CAP2: variants seen among roughly 807,000 people sequenced by gnomAD.
CAP2 encodes the protein adenylyl cyclase-associated protein 2.
A neutral mutation model predicts 57.7 loss-of-function variants in CAP2; 24 were observed. The ratio of observed to expected loss-of-function variants is 0.42; its 90% CI spans 0.30 to 0.58. The LOEUF (loss-of-function observed/expected upper bound fraction) is 0.58. Among genes scored for constraint, CAP2 ranks in the 20% least tolerant of loss-of-function variants. The pLI, the probability that CAP2 is intolerant of heterozygous loss-of-function variation, is 0.22. For missense variants in CAP2, 501 were observed against 590.3 expected (o/e 0.85, Z 1.57); for synonymous variants, 194 against 207.2 (o/e 0.94, Z 0.55).
At chr6:17,445,810 C>T (rs1760241705) in intron 3 of CAP2, among the ~76,000 whole-genome samples, 1 of 152,194 alleles carries the variant, frequency 6.6e-6, no homozygotes, top group Non-Finnish European at 1.5e-5. Flanking sequence ...TAGACATTTC[C>T]CATAGACCAT....
chr6:17,522,755 T>C (rs7760870), intron 7 of CAP2, among the ~76,000 whole-genome samples: 53,890 of 152,114 alleles, frequency 0.35, 10,636 homozygotes, highest in African/African-American at 0.54. Context: ...AAGGTGGGGC[T>C]ATGTAGTGTT....
chr6:17,480,182 A>G (rs561428054), intron 4 of CAP2, among the ~76,000 whole-genome samples: 2 of 152,182 alleles, frequency 1.3e-5, no homozygotes, highest in Non-Finnish European at 2.9e-5. Context: ...GTTCCAGACT[A>G]CAGAGGATGA....
chr6:17,444,848 C>CAACAT (rs1409092082), intron 3 of CAP2, among the ~76,000 whole-genome samples: 1 of 105,094 alleles, frequency 9.5e-6, no homozygotes, highest in Non-Finnish European at 2.2e-5. Context: ...ACACACAACA[C>CAACAT]GAGTCCTGAT....
chr6:17,404,327 T>C (rs557642182), intron 1 of CAP2, among the ~76,000 whole-genome samples: 3 of 152,058 alleles, frequency 2.0e-5, no homozygotes, highest in Admixed American at 6.5e-5. Context: ...AAAAAATGGC[T>C]GGGTGCGGTG....
At chr6:17,518,522 T>C (rs1762320602) in intron 7 of CAP2, among the ~76,000 whole-genome samples, 1 of 152,174 alleles carries the variant, frequency 6.6e-6, no homozygotes, top group South Asian at 2.1e-4. Context: ...TGCCCACTGA[T>C]CACAACTCTG....
At chr6:17,517,639 G>A (rs546812375) in intron 7 of CAP2, among the ~76,000 whole-genome samples, 3 of 152,096 alleles carry the variant, frequency 2.0e-5, no homozygotes, top group Non-Finnish European at 4.4e-5. Flanking sequence ...GGTGGCTCAC[G>A]CCTGTAATCC....
At chr6:17,419,308 A>G (rs1363390075) in intron 1 of CAP2, among the ~76,000 whole-genome samples, 1 of 152,246 alleles carries the variant, frequency 6.6e-6, no homozygotes, top group East Asian at 1.9e-4. Flanking sequence ...CCCCTGCTTT[A>G]GGACAGCAGT....
intron 2 of CAP2, among the ~76,000 whole-genome samples, chr6:17,423,321 G>T (rs951504372): frequency 1.3e-5 from 2 of 152,178 alleles, no homozygotes; most frequent in East Asian, 1.9e-4. Flanking sequence ...TTGAAAGGGG[G>T]TGTTGTTTTA....
chr6:17,454,950 G>A (rs1760517540), intron 3 of CAP2, among the ~76,000 whole-genome samples: 1 of 152,126 alleles, frequency 6.6e-6, no homozygotes, highest in Non-Finnish European at 1.5e-5. Flanking sequence ...AGGATTGAAC[G>A]AAATGAGCCC....
At chr6:17,410,104 T>C (rs573369009) in intron 1 of CAP2, among the ~76,000 whole-genome samples, 1 of 152,374 alleles carries the variant, frequency 6.6e-6, no homozygotes, top group South Asian at 2.1e-4. Context: ...TTCTTCTGAA[T>C]ACCATACTCT....
chr6:17,496,041 A>AG, intron 4 of CAP2, among the ~76,000 whole-genome samples: 1 of 104,428 alleles, frequency 9.6e-6, no homozygotes, highest in African/African-American at 3.4e-5. Flanking sequence ...GGGGGGGGGT[A>AG]AGTCAGGGAA....
At chr6:17,469,881 A>G (rs1334665364) in intron 4 of CAP2, among the ~76,000 whole-genome samples, 1 of 152,226 alleles carries the variant, frequency 6.6e-6, no homozygotes, top group Non-Finnish European at 1.5e-5. Context: ...TGGAGCAGTC[A>G]TCAAATTTGT....
intron 1 of CAP2, among the ~76,000 whole-genome samples, chr6:17,403,428 C>G (rs1457131987): frequency 6.6e-6 from 1 of 152,204 alleles, no homozygotes; most frequent in Non-Finnish European, 1.5e-5. Flanking sequence ...AATAAGTATA[C>G]ACATCCACAT....
intron 4 of CAP2, among the ~76,000 whole-genome samples, chr6:17,497,059 A>G (rs1013558873): frequency 2.6e-5 from 4 of 152,242 alleles, no homozygotes; most frequent in Non-Finnish European, 5.9e-5. Flanking sequence ...CATATAGTCA[A>G]TGCACATCAA....
chr6:17,468,960 A>T (rs1352712351), intron 4 of CAP2, among the ~76,000 whole-genome samples: 1 of 152,254 alleles, frequency 6.6e-6, no homozygotes, highest in Non-Finnish European at 1.5e-5. Context: ...GTCATTTATA[A>T]GAGTTGTATG....
At chr6:17,531,381 G>A in intron 7 of CAP2, 1 of 1,593,852 alleles carries the variant, frequency 6.3e-7, no homozygotes, top group East Asian at 2.2e-5. Flanking sequence ...GCCAATTTGG[G>A]TTCTGCAGGT....
intron 1 of CAP2, among the ~76,000 whole-genome samples, chr6:17,418,112 C>T (rs768844485): frequency 2.0e-5 from 3 of 152,270 alleles, no homozygotes; most frequent in South Asian, 2.1e-4. Context: ...GAGAGCCAGG[C>T]TAGTGGCTGA....
At chr6:17,398,639 C>T (rs1345934607) in intron 1 of CAP2, among the ~76,000 whole-genome samples, 1 of 151,838 alleles carries the variant, frequency 6.6e-6, no homozygotes, top group Admixed American at 6.6e-5. Context: ...ATTCTCCTGC[C>T]TCAGCCTCCC....
chr6:17,436,871 C>T (rs2113555809), intron 3 of CAP2, among the ~76,000 whole-genome samples: 1 of 152,238 alleles, frequency 6.6e-6, no homozygotes, highest in South Asian at 2.1e-4. Flanking sequence ...ACTCCCCATC[C>T]CTTGCATTAC....
Sources: allele counts gnomAD v4.1 joint callset (sites outside exome capture counted in the v4.1 genomes callset), GRCh38; gene constraint gnomAD v4.1.1; transcripts MANE v1.5; gene names NCBI Gene and HGNC (gene_info 2026-07-23, HGNC 2026-07-21).